ZPBP: variants seen among roughly 807,000 people sequenced by gnomAD.
The protein encoded by ZPBP is zona pellucida binding protein.
In ZPBP, 26 loss-of-function variants were observed where a neutral mutation model predicts 44.8. The ratio of observed to expected loss-of-function variants is 0.58; its 90% CI spans 0.43 to 0.81. The LOEUF (loss-of-function observed/expected upper bound fraction) is 0.81, where lower values mean the gene tolerates loss of function less well. Among genes scored for constraint, ZPBP ranks in the 30% least tolerant of loss-of-function variants. ZPBP has a pLI of 0.00. For missense variants in ZPBP, 409 were observed against 434.0 expected, an observed-to-expected ratio of 0.94 and a Z score of 0.51; for synonymous variants, 174 against 153.2, an observed-to-expected ratio of 1.14 and a Z score of -1.00.
intron 6 of ZPBP, among the ~76,000 whole-genome samples, chr7:50,006,114 A>G (rs1798299756): frequency 6.6e-6 from 1 of 151,976 alleles, no homozygotes; most frequent in Non-Finnish European, 1.5e-5. Context: ...ATAAATATAT[A>G]TACACCAAAC....
At position 49,983,506 on chromosome 7, in the gene ZPBP, A is replaced by G; in HGVS notation, c.797T>C (p.Ile266Thr). Residue 266 changes from isoleucine to threonine, a missense_variant, in exon 7 of 8, where the codon ATA (isoleucine) becomes ACA (threonine). Ile to Thr is a moderately conservative substitution (Grantham distance 89, BLOSUM62 -1). This residue lies in a region of ZPBP where 367 missense variants were observed against 363.1 expected (regional missense o/e 1.01). Coordinates refer to ENST00000046087, the MANE Select transcript of ZPBP (RefSeq NM_007009.3). ...YKRLFKAKNL[I>T]ERFFNQQVEI... Reference sequence around the variant, plus strand: ...TACTTGTTGATTAAAAAATCTCTCTATGAGATTTTTAGCCTAAAACATAAA... The same window carrying G: ...TACTTGTTGATTAAAAAATCTCTCTGTGAGATTTTTAGCCTAAAACATAAA... The G allele has an allele frequency of 6.3e-7, 1 of 1,595,628 alleles. No homozygotes were observed. Among genetic ancestry groups the G allele is most frequent in the Non-Finnish European group, 8.6e-7 (1 of 1,166,716 alleles).
intron 4 of ZPBP, among the ~76,000 whole-genome samples, chr7:50,051,933 C>T (rs1390312972): frequency 6.6e-6 from 1 of 151,920 alleles, no homozygotes; most frequent in African/African-American, 2.4e-5. Flanking sequence ...CCTGCACATC[C>T]TGCATGTTAC....
intron 2 of ZPBP, among the ~76,000 whole-genome samples, chr7:49,875,912 A>G (rs1739630300): frequency 6.6e-6 from 1 of 152,192 alleles, no homozygotes; most frequent in Admixed American, 6.5e-5. Flanking sequence ...TATGATATCT[A>G]ATAAATAGTG....
Position 50,007,441 on chromosome 7 carries a change from G to A in ZPBP, c.783+10799C>T, listed in dbSNP as rs114112776. On this transcript the variant is annotated intron_variant, in intron 6 of 7. Transcript: ENST00000046087. ...AAGCCCAGAACCAGATGGCTTTATC[G>A]GTAACAATGTCACTGATCATTTAGA... 2.9e-3 allele frequency among the ~76,000 whole-genome samples: 435 copies of A among 152,080 alleles called. 7 individuals carry two copies. Among genetic ancestry groups the A allele is most frequent in the African/African-American group, 0.01 (418 of 41,446 alleles).
intron 2 of ZPBP, among the ~76,000 whole-genome samples, chr7:49,851,954 C>T (rs992678288): frequency 7.2e-5 from 11 of 152,220 alleles, no homozygotes; most frequent in Non-Finnish European, 1.5e-4. Context: ...TTCCCACTCC[C>T]GTTCTAAGGA....
intron 6 of ZPBP, among the ~76,000 whole-genome samples, chr7:50,005,056 A>G (rs1260299248): frequency 2.7e-5 from 3 of 109,398 alleles, no homozygotes; most frequent in African/African-American, 1.3e-4. Flanking sequence ...AAAAGGCAAG[A>G]GAAACTCTGT....
chr7:49,883,111 G>A (rs1455069284), intron 2 of ZPBP, among the ~76,000 whole-genome samples: 1 of 152,056 alleles, frequency 6.6e-6, no homozygotes. Flanking sequence ...TTTCCCAAAA[G>A]AAACAACTTT....
chr7:49,980,805 G>C (rs1447485703), intron 7 of ZPBP, among the ~76,000 whole-genome samples: 2 of 152,016 alleles, frequency 1.3e-5, no homozygotes, highest in Non-Finnish European at 2.9e-5. Flanking sequence ...ATTTAAACAT[G>C]AGATTTTGTG....
At chr7:50,075,031 C>A (rs1802013931) in intron 3 of ZPBP, among the ~76,000 whole-genome samples, 1 of 151,648 alleles carries the variant, frequency 6.6e-6, no homozygotes, top group African/African-American at 2.4e-5. Flanking sequence ...ACAAAACAAG[C>A]CTTAAAACAC....
chr7:50,031,330 GA>G lies in ZPBP; in HGVS notation c.488-21del, dbSNP rs757147799. 3.8e-6 allele frequency: 6 copies of G among 1,570,166 alleles called. No homozygotes were observed. In the South Asian group the frequency reaches 6.9e-5, roughly 18 times the overall value. The stretch of plus-strand genomic sequence containing the variant: ...GATAAGCTGTAAAAAATTAACAAGA[GA>G]AAGACACAAAAATGGTTATTTAAAT... On this transcript the variant is annotated intron_variant, in intron 4 of 7. Coordinates refer to ENST00000046087, the MANE Select transcript of ZPBP (RefSeq NM_007009.3).
intron 1 of ZPBP, chr7:49,912,145 G>C (rs375417945): frequency 6.2e-7 from 1 of 1,613,986 alleles, no homozygotes; most frequent in Non-Finnish European, 8.5e-7. Context: ...AGAATCGAGC[G>C]GCAGGCCATG....
intron 7 of ZPBP, among the ~76,000 whole-genome samples, chr7:49,960,869 C>A (rs1795839011): frequency 6.8e-6 from 1 of 146,670 alleles, no homozygotes; most frequent in African/African-American, 2.5e-5. Context: ...TTTGGAGCAA[C>A]TGTCACCTCA....
At chr7:50,087,796 T>C (rs1280054776) in intron 2 of ZPBP, among the ~76,000 whole-genome samples, 2 of 151,934 alleles carry the variant, frequency 1.3e-5, no homozygotes, top group Non-Finnish European at 2.9e-5. Flanking sequence ...ATTGAAATAA[T>C]GGAAAGACCC....
At chr7:50,049,753 G>A (rs1224844046) in intron 4 of ZPBP, among the ~76,000 whole-genome samples, 3 of 151,712 alleles carry the variant, frequency 2.0e-5, no homozygotes, top group African/African-American at 7.3e-5. Context: ...CTAATATTAT[G>A]AGAAAGGTAA....
chr7:50,046,992 G>C (rs1800403581), intron 4 of ZPBP, among the ~76,000 whole-genome samples: 1 of 152,182 alleles, frequency 6.6e-6, no homozygotes, highest in African/African-American at 2.4e-5. Flanking sequence ...CATGTCCTTT[G>C]CAGGGACATG....
At chr7:49,981,673 TATTATATATAATAATATATATA>T (rs796762967) in intron 7 of ZPBP, among the ~76,000 whole-genome samples, 17,646 of 73,366 alleles carry the variant, frequency 0.24, 3,222 homozygotes, top group African/African-American at 0.42. Flanking sequence ...ATATATTATA[TATTATATATAATAATATATATA>T]ATTATATATA....
downstream of ZPBP, among the ~76,000 whole-genome samples, chr7:49,848,404 G>A (rs1205574965): frequency 1.3e-5 from 2 of 152,216 alleles, no homozygotes; most frequent in Non-Finnish European, 2.9e-5. Flanking sequence ...TGTGAGAGCC[G>A]GGCATGGCCC....
At chr7:49,859,640 G>A (rs78176580) in intron 2 of ZPBP, among the ~76,000 whole-genome samples, 4,790 of 152,304 alleles carry the variant, frequency 0.031, 233 homozygotes, top group African/African-American at 0.11. Context: ...CCTATTGCAT[G>A]CGAATACTGT....
chr7:50,037,815 T>C (rs575936871), intron 4 of ZPBP, among the ~76,000 whole-genome samples: 12 of 152,260 alleles, frequency 7.9e-5, no homozygotes, highest in African/African-American at 2.9e-4. Context: ...CCATTCCAGA[T>C]TTCTACAGCC....
Sources: allele counts gnomAD v4.1 joint callset (sites outside exome capture counted in the v4.1 genomes callset), GRCh38; gene constraint gnomAD v4.1.1; regional missense constraint gnomAD v4.1.1; transcripts MANE v1.5; gene names NCBI Gene and HGNC (gene_info 2026-07-23, HGNC 2026-07-21).